WFDC9: variants seen among roughly 807,000 people sequenced by gnomAD.
WFDC9 encodes protein WFDC9.
Under a neutral mutation model 9.5 loss-of-function variants are expected in WFDC9, and 9 were observed. The observed-to-expected ratio is 0.95, with a 90% CI of 0.57 to 1.65. The LOEUF (loss-of-function observed/expected upper bound fraction) is 1.65. WFDC9 is among the 40% of genes most tolerant of loss of function. The pLI is 0.00. For synonymous variants in WFDC9, 33 were observed against 32.3 expected (o/e 1.02, Z -0.07); for missense variants, 87 against 106.7 (o/e 0.82, Z 0.81).
At chr20:45,617,087 G>A (rs1262541413) in intron 1 of WFDC9, among the ~76,000 whole-genome samples, 1 of 152,118 alleles carries the variant, frequency 6.6e-6, no homozygotes, top group Non-Finnish European at 1.5e-5. Context: ...GATGTCTATT[G>A]TAGCCACCTT....
At chr20:45,619,050 C>T (rs925598668) in intron 1 of WFDC9, among the ~76,000 whole-genome samples, 1 of 152,110 alleles carries the variant, frequency 6.6e-6, no homozygotes, top group Non-Finnish European at 1.5e-5. Flanking sequence ...TGGACCAGTA[C>T]AGATACAAAG....
At chr20:45,609,474 TAC>T in intron 3 of WFDC9, among the ~76,000 whole-genome samples, 1 of 152,174 alleles carries the variant, frequency 6.6e-6, no homozygotes, top group Non-Finnish European at 1.5e-5. Context: ...GTGCTGGGAT[TAC>T]AGGTGTGAGA....
intron 1 of WFDC9, chr20:45,630,932 C>G (rs1430168804): frequency 6.2e-7 from 1 of 1,612,502 alleles, no homozygotes; most frequent in Non-Finnish European, 8.5e-7. Flanking sequence ...TCTATGCAAA[C>G]ACTTATGTGA....
intron 1 of WFDC9, among the ~76,000 whole-genome samples, chr20:45,616,610 G>A (rs572700775): frequency 6.6e-6 from 1 of 152,250 alleles, no homozygotes; most frequent in South Asian, 2.1e-4. Context: ...ATCTATGGTA[G>A]CTATAGCCTT....
intron 1 of WFDC9, among the ~76,000 whole-genome samples, chr20:45,615,562 A>C (rs959285272): frequency 6.6e-6 from 1 of 152,160 alleles, no homozygotes; most frequent in African/African-American, 2.4e-5. Context: ...AGCCAAGTGC[A>C]CTTTTTTGGT....
At chr20:45,616,653 A>C (rs1981981743) in intron 1 of WFDC9, among the ~76,000 whole-genome samples, 1 of 152,204 alleles carries the variant, frequency 6.6e-6, no homozygotes, top group South Asian at 2.1e-4. Context: ...TTTTGACTTG[A>C]AAGTCAAAAT....
intron 1 of WFDC9, among the ~76,000 whole-genome samples, chr20:45,623,917 G>A (rs1982158644): frequency 6.6e-6 from 1 of 152,146 alleles, no homozygotes; most frequent in South Asian, 2.1e-4. Context: ...CTCCCACTGG[G>A]CACAGTGGCT....
At position 45,618,151 on chromosome 20, in the gene WFDC9, A is replaced by G. The variant is rs550200038; in HGVS notation, c.-152-3430T>C. Among the ~76,000 whole-genome samples, 6 of 152,292 alleles carry G rather than the reference A, an allele frequency of 3.9e-5. No individual in the cohort carries two copies. The East Asian group carries it at 1.2e-3, about 29-fold the overall frequency. ...GAGAGGGCTTCTTTCCTTAACCCTC[A>G]TGAACCAACCTCTGCTAGCTTCAAA... On this transcript the variant is annotated intron_variant, in intron 1 of 4. Transcript: ENST00000326000.
At chr20:45,625,746 G>A (rs1982202599) in intron 1 of WFDC9, among the ~76,000 whole-genome samples, 1 of 148,474 alleles carries the variant, frequency 6.7e-6, no homozygotes, top group East Asian at 2.0e-4. Context: ...GAATGTTCTT[G>A]GCATCTTTGT....
Position 45,607,948 on chromosome 20 carries a change from T to G in WFDC9, c.*162A>C. The G allele has an allele frequency of 1.3e-6, 1 of 793,282 alleles. No homozygotes were observed. The highest frequency in any genetic ancestry group is 2.1e-6 in the Non-Finnish European group (1 of 466,598). 49.1% of individuals were successfully genotyped at this position (793,282 alleles called of 1,614,324 possible). On this transcript the variant is annotated 3_prime_UTR_variant, in exon 5 of 5. Coordinates refer to ENST00000326000, the MANE Select transcript of WFDC9 (RefSeq NM_147198.4). ...AAAATATGCAGAGCCCTCAGGTTGA[T>G]GTAGCAGTTTATTTGACAAAAGCTT...
At chr20:45,629,724 T>G (rs1321198897) in intron 1 of WFDC9, 12 of 1,485,990 alleles carry the variant, frequency 8.1e-6, no homozygotes, top group African/African-American at 1.4e-5. Flanking sequence ...AGATCATTCC[T>G]TCTTTCCTTC....
At position 45,612,547 on chromosome 20, in the gene WFDC9, G is replaced by A. The variant is rs149015309; in HGVS notation, c.-59+2081C>T. Among the ~76,000 whole-genome samples, 14 of 152,184 alleles carry A rather than the reference G, an allele frequency of 9.2e-5. No individual in the cohort carries two copies. The East Asian group carries it at 2.5e-3, about 27-fold the overall frequency. ...GCCTTCAGCTGAGTGACAGCTGAGGGGTAAGGGAAACTAGAGTATGGGAAC... is the reference window on the plus strand; with the variant it reads ...GCCTTCAGCTGAGTGACAGCTGAGGAGTAAGGGAAACTAGAGTATGGGAAC... On this transcript the variant is annotated intron_variant, in intron 2 of 4. Transcript: ENST00000326000.
rs1981995692 is a variant in WFDC9 at position 45,617,380 on chromosome 20, A to T, written c.-152-2659T>A. On this transcript the variant is annotated intron_variant, in intron 1 of 4. Coordinates refer to ENST00000326000, the MANE Select transcript of WFDC9 (RefSeq NM_147198.4). Reference sequence around the variant, plus strand: ...TGAGGCAGGAGAATCACTTGGACCCAGGTGGCAGAGGTTGCAGTGAGCACA... The same window carrying T: ...TGAGGCAGGAGAATCACTTGGACCCTGGTGGCAGAGGTTGCAGTGAGCACA... Among the ~76,000 whole-genome samples the T allele has an allele frequency of 2.0e-5, 3 of 152,182 alleles. No homozygotes were observed. In the South Asian group the frequency reaches 6.2e-4, roughly 32 times the overall value.
chr20:45,622,504 G>A (rs118149550), intron 1 of WFDC9, among the ~76,000 whole-genome samples: 37 of 152,050 alleles, frequency 2.4e-4, no homozygotes, highest in South Asian at 4.2e-4. Flanking sequence ...TATACCTCTC[G>A]CTTCCACATA....
intron 2 of WFDC9, among the ~76,000 whole-genome samples, chr20:45,613,622 G>A (rs891086641): frequency 6.6e-6 from 1 of 152,152 alleles, no homozygotes; most frequent in African/African-American, 2.4e-5. Flanking sequence ...GGAGAAGCTT[G>A]GAGAGCAGGA....
intron 1 of WFDC9, among the ~76,000 whole-genome samples, chr20:45,622,623 G>T (rs1408971390): frequency 6.6e-6 from 1 of 151,974 alleles, no homozygotes; most frequent in Non-Finnish European, 1.5e-5. Context: ...GTTACTTAAT[G>T]GTGCCCAATC....
Position 45,608,655 on chromosome 20 carries a change from C to A in WFDC9, c.239+8G>T, listed in dbSNP as rs766511789. 11 of 1,609,244 alleles carry A rather than the reference C, an allele frequency of 6.8e-6. No homozygotes were observed. Among genetic ancestry groups the A allele is most frequent in the Admixed American group, 1.7e-5 (1 of 59,754 alleles). On this transcript the variant is annotated splice_region_variant and intron_variant, in intron 4 of 4. Coordinates refer to ENST00000326000, the MANE Select transcript of WFDC9 (RefSeq NM_147198.4). ...CAGGCCCTAGCCTTCCCACCCCAAC[C>A]AACTCACTCGTTGTCTAAGCAGATG...
At chr20:45,626,255 A>G (rs927264998) in intron 1 of WFDC9, among the ~76,000 whole-genome samples, 2 of 152,086 alleles carry the variant, frequency 1.3e-5, no homozygotes, top group African/African-American at 4.8e-5. Flanking sequence ...TCTTTTTGTT[A>G]AGGATTGCTT....
At chr20:45,618,202 C>T (rs1982014406) in intron 1 of WFDC9, among the ~76,000 whole-genome samples, 1 of 152,218 alleles carries the variant, frequency 6.6e-6, no homozygotes, top group Admixed American at 6.5e-5. Flanking sequence ...TTCCTCACCT[C>T]TCTCAGCCTT....
Sources: allele counts gnomAD v4.1 joint callset (sites outside exome capture counted in the v4.1 genomes callset), GRCh38; gene constraint gnomAD v4.1.1; transcripts MANE v1.5; gene names NCBI Gene and HGNC (gene_info 2026-07-23, HGNC 2026-07-21).